TCEAL4: variants seen among roughly 807,000 people sequenced by gnomAD.
TCEAL4 encodes the protein transcription elongation factor A like 4, also known as transcription elongation factor A protein-like 4.
Under a neutral mutation model 1.3 loss-of-function variants are expected in TCEAL4, and 1 was observed. The ratio of observed to expected loss-of-function variants is 0.79; its 90% CI spans 0.28 to 3.76. The LOEUF is 3.76. TCEAL4 is among the 30% of genes most tolerant of loss of function. The pLI is 0.18. For synonymous variants in TCEAL4, 54 were observed against 50.7 expected (o/e 1.06, Z -0.28); for missense variants, 129 against 154.7 (o/e 0.83, Z 0.88).
rs980502425 is a variant in TCEAL4, at chrX:103,585,925, A to G, written c.-100-294A>G. 5 of 1,070,977 alleles carry G rather than the reference A, an allele frequency of 4.7e-6. No individual in the cohort carries two copies. The African/African-American group carries it at 7.7e-5, about 16-fold the overall frequency. The allele number at this position is 1,070,977 out of a possible 1,213,427, so 88.3% of individuals were successfully genotyped here. On this transcript the variant is annotated intron_variant, in intron 1 of 2. Coordinates refer to ENST00000472484, the MANE Select transcript of TCEAL4 (RefSeq NM_001006935.3). ...GATGGTGGGCTGGGGCCGCCCCAGTAGTGAGACAGTGGAAGTAAACCCCAT... is the reference window on the plus strand; with the variant it reads ...GATGGTGGGCTGGGGCCGCCCCAGTGGTGAGACAGTGGAAGTAAACCCCAT...
intron 1 of TCEAL4, chrX:103,576,561 T>G (rs1323161748): frequency 3.4e-6 from 3 of 872,072 alleles, no homozygotes; most frequent in Non-Finnish European, 4.9e-6. Flanking sequence ...GTCAGGAGTT[T>G]GAGGCCAGCC....
chrX:103,577,565 T>C (rs1333427388), intron 2 of TCEAL4, among the ~76,000 whole-genome samples: 1 of 112,064 alleles, frequency 8.9e-6, no homozygotes, highest in Admixed American at 9.5e-5. Flanking sequence ...TGATTTTCTG[T>C]AGTTTTTATA....
At chrX:103,579,455 A>AT (rs758320454) in intron 2 of TCEAL4, among the ~76,000 whole-genome samples, 5 of 111,784 alleles carry the variant, frequency 4.5e-5, no homozygotes, top group South Asian at 7.4e-4. Flanking sequence ...TCTTTCAACA[A>AT]TTTTTTTTAG....
intron 2 of TCEAL4, among the ~76,000 whole-genome samples, chrX:103,580,059 A>G (rs1388925663): frequency 8.9e-6 from 1 of 111,859 alleles, no homozygotes; most frequent in Non-Finnish European, 1.9e-5. Flanking sequence ...GGATAAATGA[A>G]ATAGCACGCC....
At chrX:103,586,016 A>G in intron 1 of TCEAL4, 2 of 1,078,006 alleles carry the variant, frequency 1.9e-6, no homozygotes. Flanking sequence ...GCCTCTGAGG[A>G]AGAAGGGCAC....
Position 103,585,529 on chromosome X carries a change from G to T in TCEAL4, c.-196G>T. On this transcript the variant is annotated 5_prime_UTR_variant, in exon 1 of 3. It removes an upstream start codon present in the reference 5' UTR. Coordinates refer to ENST00000472484, the MANE Select transcript of TCEAL4 (RefSeq NM_001006935.3). ...TCACGTGATCTGCACGGGCGCAGATGTAGGCACCGGTCCGAGTGCCTGCCC... is the reference window on the plus strand; with the variant it reads ...TCACGTGATCTGCACGGGCGCAGATTTAGGCACCGGTCCGAGTGCCTGCCC... 2 of 1,152,573 alleles carry T rather than the reference G, an allele frequency of 1.7e-6. No individual in the cohort carries two copies. The highest frequency in any genetic ancestry group is 2.3e-6 in the Non-Finnish European group (2 of 863,673). 95.0% of individuals were successfully genotyped at this position (1,152,573 alleles called of 1,213,427 possible).
chrX:103,581,995 G>A (rs765525846), upstream of TCEAL4, among the ~76,000 whole-genome samples: 2 of 111,928 alleles, frequency 1.8e-5, no homozygotes, highest in East Asian at 2.8e-4. Context: ...TCTAGAAAAC[G>A]CCATTGTCTA....
At chrX:103,581,847 C>G (rs776798960), upstream of TCEAL4, among the ~76,000 whole-genome samples, 109 of 111,780 alleles carry the variant, frequency 9.8e-4, no homozygotes, top group Middle Eastern at 9.2e-3. Flanking sequence ...CAAGGATGCT[C>G]TCTCTCTCAC....
At chrX:103,585,423 C>G, upstream of TCEAL4, 5 of 1,054,433 alleles carry the variant, frequency 4.7e-6, no homozygotes, top group Non-Finnish European at 6.2e-6. Flanking sequence ...AAGAGGGTAC[C>G]TGCTGGAGAG....
At chrX:103,577,357 C>G (rs2073488847) in intron 2 of TCEAL4, 5 of 715,039 alleles carry the variant, frequency 7.0e-6, no homozygotes, top group Non-Finnish European at 1.0e-5. Context: ...TATTATGCAA[C>G]CATTAAAATG....
In TCEAL4 at chrX:103,585,551, G is replaced by A; in HGVS notation, c.-174G>A. On this transcript the variant is annotated 5_prime_UTR_variant, in exon 1 of 3. Coordinates refer to ENST00000472484, the MANE Select transcript of TCEAL4 (RefSeq NM_001006935.3). ...GATGTAGGCACCGGTCCGAGTGCCTGCCCTCTGTCCCCGCGGCTGGGTCTC... is the reference window on the plus strand; with the variant it reads ...GATGTAGGCACCGGTCCGAGTGCCTACCCTCTGTCCCCGCGGCTGGGTCTC... 5 of 1,161,559 alleles carry A rather than the reference G, an allele frequency of 4.3e-6. No homozygotes were observed. The highest frequency in any genetic ancestry group is 5.8e-6 in the Non-Finnish European group (5 of 869,536).
At chrX:103,586,428 A>G in intron 2 of TCEAL4, 137 bp downstream of exon 2, 6 of 894,308 alleles carry the variant, frequency 6.7e-6, no homozygotes, top group African/African-American at 2.0e-5. Flanking sequence ...GAACCAGTGC[A>G]GAGAAAGTGG....
intron 2 of TCEAL4, among the ~76,000 whole-genome samples, chrX:103,578,179 T>C (rs1250261934): frequency 8.9e-6 from 1 of 112,477 alleles, no homozygotes; most frequent in African/African-American, 3.2e-5. Context: ...AGCACTTTGT[T>C]CCATTTTTTT....
chrX:103,577,391 G>T (rs2073488976), intron 2 of TCEAL4, among the ~76,000 whole-genome samples: 1 of 112,000 alleles, frequency 8.9e-6, no homozygotes, highest in Non-Finnish European at 1.9e-5. Flanking sequence ...TATGTAGACT[G>T]ACATGGGAAT....
intron 2 of TCEAL4, among the ~76,000 whole-genome samples, chrX:103,579,480 G>C (rs1391956608): frequency 8.9e-6 from 1 of 112,269 alleles, no homozygotes; most frequent in Non-Finnish European, 1.9e-5. Flanking sequence ...TGGTGTACAA[G>C]TCTTGGACCT....
chrX:103,583,550 A>T (rs977827931), upstream of TCEAL4, among the ~76,000 whole-genome samples: 1 of 112,558 alleles, frequency 8.9e-6, no homozygotes, highest in Admixed American at 9.3e-5. Flanking sequence ...GAATGAGATC[A>T]TGTCTTTTGC....
rs1364794172 is a variant in TCEAL4, at chrX:103,576,507, T to C, written c.38T>C (p.Val13Ala). The C allele has an allele frequency of 1.9e-5, 22 of 1,150,918 alleles. No individual in the cohort carries two copies. The East Asian group carries it at 7.2e-4, about 38-fold the overall frequency. 94.8% of individuals were successfully genotyped at this position (1,150,918 alleles called of 1,213,427 possible). ...GGCCAGGCGCCGCAGCTCACGCCTG[T>C]AATCCCAGCGTTTTGGGAGGCCAGG... Residue 13 changes from valine (V) to alanine (A), a missense_variant, in exon 1 of 5, where the codon GTA (valine) becomes GCA (alanine). Physicochemically the swap from Val to Ala is moderately conservative, Grantham distance 64. Coordinates refer to the TCEAL4 transcript ENST00000372629.
At chrX:103,585,801 G>A in intron 1 of TCEAL4, 177 bp downstream of exon 1, 1 of 1,100,942 alleles carries the variant, frequency 9.1e-7, no homozygotes, top group Non-Finnish European at 1.2e-6. Context: ...GAGCACGTAG[G>A]CAGTGGGCAG....
chrX:103,576,489 C>G lies in TCEAL4; in HGVS notation c.20C>G (p.Ala7Gly), dbSNP rs961388500. Residue 7 changes from alanine to glycine, a missense_variant, in exon 1 of 5, where the codon GCG becomes GGG. Coordinates refer to the TCEAL4 transcript ENST00000372629. ...GTCAAGATGCCAGCTGGAGGCCAGGCGCCGCAGCTCACGCCTGTAATCCCA... is the reference window on the plus strand; with the variant it reads ...GTCAAGATGCCAGCTGGAGGCCAGGGGCCGCAGCTCACGCCTGTAATCCCA... The G allele has an allele frequency of 3.3e-5, 38 of 1,161,589 alleles. No individual in the cohort carries two copies. In the Admixed American group the frequency reaches 9.9e-4, roughly 30 times the overall value.
Sources: allele counts gnomAD v4.1 joint callset (sites outside exome capture counted in the v4.1 genomes callset), GRCh38; gene constraint gnomAD v4.1.1; transcripts MANE v1.5; gene names NCBI Gene and HGNC (gene_info 2026-07-23, HGNC 2026-07-21).